The following SPAG16 variants were observed in gnomAD, a reference collection of about 807,000 sequenced individuals.
SPAG16 encodes sperm associated antigen 16, also known as sperm-associated antigen 16 protein.
In SPAG16, 86 loss-of-function variants were observed where a neutral mutation model predicts 80.4. The observed-to-expected ratio is 1.07, with a 90% CI of 0.90 to 1.28. SPAG16 has a LOEUF of 1.28. Among genes scored for constraint, SPAG16 ranks in the 50% most tolerant of loss-of-function variants. SPAG16 has a pLI of 0.00. For synonymous variants in SPAG16, 294 were observed against 265.9 expected (o/e 1.11, Z -1.03); for missense variants, 870 against 765.3 (o/e 1.14, Z -1.61).
rs1282003808 is a variant in SPAG16, at chr2:213,787,510, G to A, written c.1071-74975G>A. Among the ~76,000 whole-genome samples the A allele has an allele frequency of 4.6e-5, 7 of 152,204 alleles. No homozygotes were observed. In the East Asian group the frequency reaches 9.7e-4, roughly 21 times the overall value. On this transcript the variant is annotated intron_variant, in intron 10 of 15. Transcript: ENST00000331683. ...CCAAATTCAAGAGAAATTTGGTGAGGTGAGCTTGGAGATAGGAAGGCTGTA... is the reference window on the plus strand; with the variant it reads ...CCAAATTCAAGAGAAATTTGGTGAGATGAGCTTGGAGATAGGAAGGCTGTA...
chr2:214,105,390 G>A (rs1296815873), intron 13 of SPAG16, among the ~76,000 whole-genome samples: 1 of 152,126 alleles, frequency 6.6e-6, no homozygotes, highest in Non-Finnish European at 1.5e-5. Context: ...AACATTTCCT[G>A]TGCATTATTA....
At chr2:214,275,594 T>G (rs1692404954) in intron 15 of SPAG16, among the ~76,000 whole-genome samples, 2 of 152,244 alleles carry the variant, frequency 1.3e-5, no homozygotes, top group Admixed American at 1.3e-4. Context: ...TCCATGTAGT[T>G]GTGCCATTTT....
chr2:213,453,965 C>G (rs1240971581), intron 9 of SPAG16, among the ~76,000 whole-genome samples: 1 of 152,198 alleles, frequency 6.6e-6, no homozygotes, highest in Non-Finnish European at 1.5e-5. Context: ...CTCTTTCCAT[C>G]TATTCCTCTT....
At chr2:213,581,257 G>A (rs900569946) in intron 10 of SPAG16, among the ~76,000 whole-genome samples, 1 of 151,972 alleles carries the variant, frequency 6.6e-6, no homozygotes, top group South Asian at 2.1e-4. Flanking sequence ...TTGCTCTGTT[G>A]CACCACCTGG....
At chr2:213,869,960 C>T (rs1467825619) in intron 11 of SPAG16, among the ~76,000 whole-genome samples, 2 of 152,092 alleles carry the variant, frequency 1.3e-5, no homozygotes, top group Non-Finnish European at 2.9e-5. Context: ...TGGCAGTTAC[C>T]TTTTAAACAG....
At chr2:214,261,329 A>G (rs987196093) in intron 15 of SPAG16, among the ~76,000 whole-genome samples, 3 of 151,798 alleles carry the variant, frequency 2.0e-5, no homozygotes, top group African/African-American at 7.3e-5. Flanking sequence ...GGAATTCCCA[A>G]TACTGATGCA....
At position 213,347,669 on chromosome 2, in the gene SPAG16, G is replaced by C. The variant is rs535243948; in HGVS notation, c.645-2859G>C. 9.9e-3 allele frequency among the ~76,000 whole-genome samples: 1,515 copies of C among 152,312 alleles called. 16 individuals are homozygous for C. The highest frequency in any genetic ancestry group is 0.016 in the Non-Finnish European group (1,060 of 68,036). Reference sequence around the variant, plus strand: ...CCCAGTAGTCATTCAGGAGCAGGTTGTTCAGTTTCCATGTAGTTGAGCGGT... The same window carrying C: ...CCCAGTAGTCATTCAGGAGCAGGTTCTTCAGTTTCCATGTAGTTGAGCGGT... On this transcript the variant is annotated intron_variant, in intron 6 of 15. Coordinates refer to ENST00000331683, the MANE Select transcript of SPAG16 (RefSeq NM_024532.5).
chr2:213,834,548 C>G (rs1430709167), intron 10 of SPAG16, among the ~76,000 whole-genome samples: 1 of 152,156 alleles, frequency 6.6e-6, no homozygotes, highest in Non-Finnish European at 1.5e-5. Flanking sequence ...TTGTATGACT[C>G]ACTTTCAGGA....
Position 214,390,340 on chromosome 2 carries a change from T to TA in SPAG16, c.1721-19800_1721-19799insA, listed in dbSNP as rs1559265384. ...TAAATGAATGGGTATGCTTTTTTTT[T>TA]TAAAAAAAAAAAAAAAAAAGTCCTT... On this transcript the variant is annotated intron_variant, in intron 15 of 15. Transcript: ENST00000331683. Among the ~76,000 whole-genome samples, 1,266 of 129,702 alleles carry TA rather than the reference T, an allele frequency of 9.8e-3. 22 individuals are homozygous for TA. Among genetic ancestry groups the TA allele is most frequent in the African/African-American group, 0.038 (1,179 of 30,750 alleles). 85.1% of individuals were successfully genotyped at this position (129,702 alleles called of 152,430 possible).
At chr2:213,856,648 C>T (rs1189286101) in intron 10 of SPAG16, among the ~76,000 whole-genome samples, 2 of 152,206 alleles carry the variant, frequency 1.3e-5, no homozygotes, top group Non-Finnish European at 2.9e-5. Flanking sequence ...ACAGGCCCAA[C>T]ACATGTAAGC....
intron 10 of SPAG16, among the ~76,000 whole-genome samples, chr2:213,669,874 C>G (rs1444628967): frequency 6.6e-6 from 1 of 152,138 alleles, no homozygotes; most frequent in Non-Finnish European, 1.5e-5. Context: ...GTGGTTGAAA[C>G]TAGAGAAAAG....
intron 5 of SPAG16, among the ~76,000 whole-genome samples, chr2:213,330,061 G>T (rs929388459): frequency 2.0e-4 from 30 of 152,232 alleles, no homozygotes; most frequent in African/African-American, 7.2e-4. Context: ...GTATGGAAAC[G>T]CCTGGATGCC....
At chr2:214,248,051 TC>T (rs1689977702) in intron 15 of SPAG16, among the ~76,000 whole-genome samples, 1 of 150,824 alleles carries the variant, frequency 6.6e-6, no homozygotes, top group Non-Finnish European at 1.5e-5. Context: ...CAACAAGAAA[TC>T]ATAGAAGTTA....
intron 13 of SPAG16, among the ~76,000 whole-genome samples, chr2:214,049,085 A>G (rs2049498176): frequency 6.6e-6 from 1 of 152,114 alleles, no homozygotes; most frequent in South Asian, 2.1e-4. Context: ...ACAGGCATGC[A>G]CCATCATGCC....
rs1216427137 is a variant in SPAG16 at position 213,449,717 on chromosome 2, TTTG to T, written c.943-40244_943-40242del. On this transcript the variant is annotated intron_variant, in intron 9 of 15. Transcript: ENST00000331683. ...GTGCAATATCTAGGTAATGACATCA[TTTG>T]TACACCAAACCTTAGCAATGCACAG... is the stretch of plus-strand genomic sequence containing the variant. 2.7e-4 allele frequency among the ~76,000 whole-genome samples: 41 copies of T among 152,284 alleles called. No homozygotes were observed. In the Middle Eastern group the frequency reaches 0.01, roughly 38 times the overall value.
rs187835395 is a variant in SPAG16, at chr2:213,566,537, T to C, written c.1070+76447T>C. 1.2e-3 allele frequency among the ~76,000 whole-genome samples: 188 copies of C among 152,324 alleles called. 2 individuals carry two copies. Among genetic ancestry groups the C allele is most frequent in the African/African-American group, 4.4e-3 (183 of 41,588 alleles). On this transcript the variant is annotated intron_variant, in intron 10 of 15. Transcript: ENST00000331683. ...TATTGAGAGTCGACAACCTTAAATT[T>C]CATAGCTATTATTTTATTATAAGTA... is the stretch of plus-strand genomic sequence containing the variant.
chr2:214,351,560 G>A (rs1417539630), intron 15 of SPAG16, among the ~76,000 whole-genome samples: 4 of 152,054 alleles, frequency 2.6e-5, no homozygotes, highest in Middle Eastern at 3.4e-3. Context: ...AAAATTAGCC[G>A]GGCGTGGTGG....
chr2:213,956,137 G>A (rs1231181520), intron 12 of SPAG16, among the ~76,000 whole-genome samples: 1 of 151,796 alleles, frequency 6.6e-6, no homozygotes, highest in Non-Finnish European at 1.5e-5. Flanking sequence ...TGTATTATTA[G>A]TAGAGATGGG....
chr2:214,017,009 G>A (rs2047623541), intron 13 of SPAG16, among the ~76,000 whole-genome samples: 1 of 152,068 alleles, frequency 6.6e-6, no homozygotes, highest in South Asian at 2.1e-4. Context: ...AGACCTCTGA[G>A]GCCAATTTAT....
Sources: allele counts gnomAD v4.1 joint callset (sites outside exome capture counted in the v4.1 genomes callset), GRCh38; gene constraint gnomAD v4.1.1; transcripts MANE v1.5; gene names NCBI Gene and HGNC (gene_info 2026-07-23, HGNC 2026-07-21).